The following LARGE1 variants were observed in gnomAD, a reference collection of about 807,000 sequenced individuals.
LARGE1 encodes LARGE xylosyl- and glucuronyltransferase 1, also known as xylosyl- and glucuronyltransferase LARGE1.
A neutral mutation model predicts 87.6 loss-of-function variants in LARGE1; 43 were observed. The observed-to-expected ratio is 0.49, with a 90% CI of 0.38 to 0.63. The LOEUF (loss-of-function observed/expected upper bound fraction) is 0.63. Among genes scored for constraint, LARGE1 ranks in the 30% least tolerant of loss-of-function variants. The pLI is 0.00. For synonymous variants in LARGE1, 434 were observed against 394.6 expected (o/e 1.10, Z -1.18); for missense variants, 802 against 1,000.2 (o/e 0.80, Z 2.67).
At chr22:33,290,336 G>A (rs1013248219) in intron 12 of LARGE1, among the ~76,000 whole-genome samples, 2 of 152,204 alleles carry the variant, frequency 1.3e-5, no homozygotes, top group Admixed American at 6.5e-5. Context: ...CCTCCTCGGA[G>A]TCACAGTGGT....
chr22:33,584,713 A>C (rs2078619708), intron 5 of LARGE1, among the ~76,000 whole-genome samples: 1 of 151,878 alleles, frequency 6.6e-6, no homozygotes, highest in South Asian at 2.1e-4. Flanking sequence ...CAGTCCATCC[A>C]TCTTAATCTT....
At chr22:33,503,259 GTT>G (rs796717166) in intron 6 of LARGE1, among the ~76,000 whole-genome samples, 106 of 124,804 alleles carry the variant, frequency 8.5e-4, no homozygotes, top group African/African-American at 2.7e-3. Flanking sequence ...TTTTTTTTTT[GTT>G]TTTTTTTTTG....
intron 1 of LARGE1, among the ~76,000 whole-genome samples, chr22:33,814,278 C>T (rs1160349131): frequency 2.0e-5 from 3 of 152,162 alleles, no homozygotes; most frequent in Non-Finnish European, 4.4e-5. Flanking sequence ...AGACACTGAG[C>T]ACATGTCAGG....
chr22:33,385,017 T>C (rs1295942966), intron 7 of LARGE1, among the ~76,000 whole-genome samples: 1 of 148,966 alleles, frequency 6.7e-6, no homozygotes, highest in East Asian at 1.9e-4. Flanking sequence ...CATATGGGCC[T>C]GTCTCAGTCT....
intron 1 of LARGE1, chr22:33,873,463 C>G (rs2064365840): frequency 6.6e-6 from 1 of 152,380 alleles, no homozygotes; most frequent in Non-Finnish European, 1.5e-5. Flanking sequence ...CGTGTCGCTC[C>G]TGGGGCCTTC....
rs149263447 is a variant in LARGE1 at position 33,788,461 on chromosome 22, A to G, written c.-82-26903T>C. Among the ~76,000 whole-genome samples the G allele has an allele frequency of 2.4e-3, 358 of 152,320 alleles. 4 individuals carry two copies. Among genetic ancestry groups the G allele is most frequent in the African/African-American group, 8.1e-3 (336 of 41,572 alleles). On this transcript the variant is annotated intron_variant, in intron 1 of 14. Coordinates refer to ENST00000397394, the MANE Select transcript of LARGE1 (RefSeq NM_133642.5). ...CAATAAAGATACCCAAAAAATGTGG[A>G]AGGAACTTTGGAACTGAGTAACAGG...
chr22:33,246,444 G>C (rs1355176891), intron 11 of LARGE1, among the ~76,000 whole-genome samples: 1 of 152,078 alleles, frequency 6.6e-6, no homozygotes, highest in African/African-American at 2.4e-5. Context: ...CCAGGAGTTC[G>C]AGACCAGTCT....
chr22:33,860,514 C>T (rs1349506917), intron 1 of LARGE1, among the ~76,000 whole-genome samples: 1 of 152,162 alleles, frequency 6.6e-6, no homozygotes, highest in Non-Finnish European at 1.5e-5. Context: ...TTGGGAACTC[C>T]AGGGTCACAG....
At chr22:33,847,799 AAAC>A (rs2063477804) in intron 1 of LARGE1, among the ~76,000 whole-genome samples, 1 of 152,224 alleles carries the variant, frequency 6.6e-6, no homozygotes, top group Non-Finnish European at 1.5e-5. Context: ...GTTGTTTTTG[AAAC>A]AACTGCCTAA....
intron 6 of LARGE1, among the ~76,000 whole-genome samples, chr22:33,481,482 T>C (rs1569201771): frequency 6.6e-6 from 1 of 152,212 alleles, no homozygotes; most frequent in Non-Finnish European, 1.5e-5. Flanking sequence ...GTGCACATTT[T>C]TTCTAGAATA....
chr22:33,483,563 G>A (rs2069427529), intron 6 of LARGE1, among the ~76,000 whole-genome samples: 1 of 152,124 alleles, frequency 6.6e-6, no homozygotes, highest in African/African-American at 2.4e-5. Context: ...AGCAGCTCTA[G>A]GCATTTAAGG....
intron 1 of LARGE1, among the ~76,000 whole-genome samples, chr22:33,912,993 G>A (rs955651129): frequency 1.3e-5 from 2 of 152,088 alleles, no homozygotes; most frequent in Admixed American, 6.5e-5. Flanking sequence ...ACCACGCCCG[G>A]CTAATTTTTG....
the LARGE1 span, among the ~76,000 whole-genome samples, chr22:33,151,434 C>A: frequency 6.6e-6 from 1 of 152,070 alleles, no homozygotes; most frequent in Non-Finnish European, 1.5e-5. Context: ...AGTTGGATGT[C>A]TTGTATTTCT....
At chr22:33,390,020 G>T (rs2065460650) in intron 7 of LARGE1, among the ~76,000 whole-genome samples, 1 of 152,158 alleles carries the variant, frequency 6.6e-6, no homozygotes, top group African/African-American at 2.4e-5. Context: ...AGACCATCTG[G>T]TTCTCGCCAT....
At chr22:33,587,980 C>A (rs1254364083) in intron 5 of LARGE1, among the ~76,000 whole-genome samples, 1 of 152,278 alleles carries the variant, frequency 6.6e-6, no homozygotes, top group Non-Finnish European at 1.5e-5. Context: ...CTTTCTTGAG[C>A]AAGAGACCAT....
chr22:33,829,011 T>TTTC (rs1049711098), intron 1 of LARGE1, among the ~76,000 whole-genome samples: 3 of 101,806 alleles, frequency 2.9e-5, no homozygotes, highest in African/African-American at 1.3e-4. Flanking sequence ...TTTTTCTTTT[T>TTTC]TTTTTTTTTT....
chr22:33,363,497 C>A (rs2064462192), intron 9 of LARGE1, among the ~76,000 whole-genome samples: 1 of 149,308 alleles, frequency 6.7e-6, no homozygotes, highest in South Asian at 2.3e-4. Flanking sequence ...GGGAAAATCA[C>A]CCCCGTGATT....
intron 2 of LARGE1, among the ~76,000 whole-genome samples, chr22:33,690,856 C>T (rs2082079846): frequency 6.6e-6 from 1 of 152,088 alleles, no homozygotes; most frequent in Non-Finnish European, 1.5e-5. Context: ...GTCCCTCCCT[C>T]CACCCACACC....
chr22:33,571,179 C>A (rs983812621), intron 5 of LARGE1, among the ~76,000 whole-genome samples: 2 of 152,128 alleles, frequency 1.3e-5, no homozygotes, highest in South Asian at 4.1e-4. Flanking sequence ...AAGATTATCA[C>A]CTAATTCACT....
Sources: allele counts gnomAD v4.1 joint callset (sites outside exome capture counted in the v4.1 genomes callset), GRCh38; gene constraint gnomAD v4.1.1; transcripts MANE v1.5; gene names NCBI Gene and HGNC (gene_info 2026-07-23, HGNC 2026-07-21).